RRM2: variants seen among roughly 807,000 people sequenced by gnomAD.
RRM2 encodes the protein ribonucleotide reductase regulatory subunit M2.
In RRM2, 6 loss-of-function variants were observed where a neutral mutation model predicts 45.9. The ratio of observed to expected loss-of-function variants is 0.13; its 90% CI spans 0.07 to 0.26. The LOEUF (loss-of-function observed/expected upper bound fraction) is 0.26. Ranked by LOEUF, RRM2 falls within the 10% of genes least tolerant of loss-of-function variation. The pLI is 1.00. For synonymous variants in RRM2, 177 were observed against 173.0 expected (o/e 1.02, Z -0.18); for missense variants, 343 against 489.5 (o/e 0.70, Z 2.82).
chr2:10,178,984 C>T lies in RRM2; in HGVS notation n.483-31327C>T, dbSNP rs142218823. 4.1e-4 allele frequency among the ~76,000 whole-genome samples: 62 copies of T among 152,274 alleles called. No homozygotes were observed. The Middle Eastern group carries it at 0.017, about 42-fold the overall frequency. On this transcript the variant is annotated intron_variant and non_coding_transcript_variant, in intron 3 of 3. Transcript: ENST00000381786. ...CCTTGATCTTGGACTTCCCAGCCTC[C>T]AGAGCTGTGAGCAATAAGTTTCTGC...
chr2:10,126,126 T>A (rs1161480704), intron 5 of RRM2, among the ~76,000 whole-genome samples: 1 of 137,588 alleles, frequency 7.3e-6, no homozygotes, highest in Non-Finnish European at 1.5e-5. Flanking sequence ...CTCGCTGCAC[T>A]CTAGCCTGGG....
chr2:10,206,973 G>C (rs759450638), intron 3 of RRM2, among the ~76,000 whole-genome samples: 6 of 152,180 alleles, frequency 3.9e-5, no homozygotes, highest in Non-Finnish European at 7.3e-5. Context: ...TCTCACTAAA[G>C]GGCCTCCACA....
exon 4 of RRM2, chr2:10,210,609 G>A (rs764889477): frequency 7.3e-6 from 10 of 1,361,632 alleles, no homozygotes; most frequent in Middle Eastern, 5.5e-4. Context: ...CAGCAGATCT[G>A]CTGCTTTCAA....
chr2:10,167,532 C>T, intron 3 of RRM2, among the ~76,000 whole-genome samples: 1 of 152,276 alleles, frequency 6.6e-6, no homozygotes, highest in Admixed American at 6.5e-5. Flanking sequence ...TTGCTTCTTT[C>T]TCTCCTCTCA....
intron 3 of RRM2, among the ~76,000 whole-genome samples, chr2:10,159,620 T>C (rs1428440249): frequency 6.6e-6 from 1 of 152,228 alleles, no homozygotes. Context: ...CCAGGATGAC[T>C]GAGGTTTAGG....
intron 3 of RRM2, among the ~76,000 whole-genome samples, chr2:10,200,885 A>G (rs1440025442): frequency 2.0e-5 from 3 of 152,188 alleles, no homozygotes; most frequent in Non-Finnish European, 4.4e-5. Flanking sequence ...CATGGCTCAC[A>G]CCTGTAATCC....
intron 3 of RRM2, among the ~76,000 whole-genome samples, chr2:10,152,455 A>G (rs905536108): frequency 2.1e-5 from 3 of 144,200 alleles, no homozygotes; most frequent in Admixed American, 1.4e-4. Context: ...TTTCTTTTAT[A>G]GTTTATGTTT....
Position 10,123,388 on chromosome 2 carries a change from A to G in RRM2, c.176A>G (p.Lys59Arg). 6.2e-7 allele frequency: 1 copy of G among 1,601,810 alleles called. No homozygotes were observed. Among genetic ancestry groups the G allele is most frequent in the Non-Finnish European group, 8.5e-7 (1 of 1,176,812 alleles). ...RRIFQEPTEPKTKAAAPGVED... is the reference protein window; with the variant it reads ...RRIFQEPTEPRTKAAAPGVED... The stretch of plus-strand genomic sequence containing the variant: ...ATGTTTTATTTTCTCCCCCAACAGA[A>G]AACTAAAGCAGCTGCCCCCGGCGTG... Residue 59 changes from lysine (K) to arginine (R), a missense_variant and splice_region_variant, in exon 3 of 10, where the codon AAA (lysine) becomes AGA (arginine). Lys to Arg is a conservative substitution (Grantham distance 26, BLOSUM62 2). Coordinates refer to ENST00000304567, the MANE Select transcript of RRM2 (RefSeq NM_001034.4).
At chr2:10,202,064 A>G (rs1448300856) in intron 3 of RRM2, among the ~76,000 whole-genome samples, 1 of 152,250 alleles carries the variant, frequency 6.6e-6, no homozygotes, top group Non-Finnish European at 1.5e-5. Context: ...CTCTAAGAGA[A>G]ACCCACTGTG....
Position 10,170,392 on chromosome 2 carries a change from G to A in RRM2, n.482+28017G>A, listed in dbSNP as rs1045564855. Among the ~76,000 whole-genome samples, 22 of 152,276 alleles carry A rather than the reference G, an allele frequency of 1.4e-4. 1 individual carries two copies. Among genetic ancestry groups the A allele is most frequent in the African/African-American group, 4.8e-4 (20 of 41,556 alleles). On this transcript the variant is annotated intron_variant and non_coding_transcript_variant, in intron 3 of 3. Coordinates refer to the RRM2 transcript ENST00000381786. ...CAGGTCACTTTGATCTTGCCCCGTG[G>A]TGAAATCAGACGGTCCCTGGCTCGT...
chr2:10,129,666 A>G lies in RRM2; in HGVS notation c.*280A>G, dbSNP rs1224170599. ...GGTGACCCTTTAGTGAGCTTAGCAC[A>G]GCGGGATTAAACAGTCCTTTAACCA... is the stretch of plus-strand genomic sequence containing the variant. On this transcript the variant is annotated 3_prime_UTR_variant, in exon 10 of 10. Transcript: ENST00000304567. The surrounding 1 kb of genome is among the most constrained non-coding windows in gnomAD (Gnocchi z 4.8). The G allele has an allele frequency of 7.5e-6, 3 of 399,446 alleles. No homozygotes were observed. In the East Asian group the frequency reaches 1.3e-4, roughly 17 times the overall value. The allele number at this position is 399,446 out of a possible 1,614,324, so 24.7% of individuals were successfully genotyped here.
intron 3 of RRM2, among the ~76,000 whole-genome samples, chr2:10,196,224 G>T (rs1664410960): frequency 6.6e-6 from 1 of 152,212 alleles, no homozygotes; most frequent in African/African-American, 2.4e-5. Context: ...GAAGACAGAA[G>T]GCGCGGGGAG....
At chr2:10,164,014 G>A (rs1254629100) in intron 3 of RRM2, among the ~76,000 whole-genome samples, 4 of 151,936 alleles carry the variant, frequency 2.6e-5, no homozygotes, top group African/African-American at 9.7e-5. Flanking sequence ...GTGTGCGTGT[G>A]TGTGTGTGTG....
intron 3 of RRM2, among the ~76,000 whole-genome samples, chr2:10,202,894 A>T (rs1264639732): frequency 6.6e-6 from 1 of 151,746 alleles, no homozygotes; most frequent in Non-Finnish European, 1.5e-5. Flanking sequence ...CACTGTTCCC[A>T]GCCGTTGGCC....
chr2:10,131,059 C>T lies in RRM2; in HGVS notation c.*1673C>T, dbSNP rs1045671115. 6.6e-6 allele frequency: 1 copy of T among 152,122 alleles called. No homozygotes were observed. The highest frequency in any genetic ancestry group is 1.5e-5 in the Non-Finnish European group (1 of 68,022). The allele number at this position is 152,122 out of a possible 1,614,324, so 9.4% of individuals were successfully genotyped here. On this transcript the variant is annotated 3_prime_UTR_variant, in exon 10 of 10. Transcript: ENST00000304567. Reference sequence around the variant, plus strand: ...TTAATTGTATTCAGTATTTGAACGTCGTCCTGTTTATTGTTAGTTTTCTTC... The same window carrying T: ...TTAATTGTATTCAGTATTTGAACGTTGTCCTGTTTATTGTTAGTTTTCTTC...
chr2:10,162,268 C>T (rs560878358), intron 3 of RRM2, among the ~76,000 whole-genome samples: 1 of 152,260 alleles, frequency 6.6e-6, no homozygotes, highest in African/African-American at 2.4e-5. Flanking sequence ...GTGGAGCCGC[C>T]CGTCGTTCAT....
intron 3 of RRM2, among the ~76,000 whole-genome samples, chr2:10,180,858 C>T (rs1237314617): frequency 3.9e-5 from 6 of 152,122 alleles, no homozygotes; most frequent in Non-Finnish European, 8.8e-5. Flanking sequence ...CCTCTGCCTC[C>T]CAGGTTCAAG....
At chr2:10,143,605 TTGAGATCA>T (rs567960508) in intron 3 of RRM2, among the ~76,000 whole-genome samples, 170 of 152,216 alleles carry the variant, frequency 1.1e-3, no homozygotes, top group African/African-American at 4.0e-3. Flanking sequence ...GGGGGCCTGG[TTGAGATCA>T]TGACTGGAGT....
At position 10,172,969 on chromosome 2, in the gene RRM2, C is replaced by T. The variant is rs768061799; in HGVS notation, n.482+30594C>T. On this transcript the variant is annotated intron_variant and non_coding_transcript_variant, in intron 3 of 3. Coordinates refer to the RRM2 transcript ENST00000381786. The surrounding 1 kb of genome is among the most constrained non-coding windows in gnomAD (Gnocchi z 4.9). The stretch of plus-strand genomic sequence containing the variant: ...TGAATGGAAAATCCAGTTTCCTTCG[C>T]CGTCTTCCTTGTCTGTCCTCTCCTG... Among the ~76,000 whole-genome samples, 1 of 152,184 alleles carries T rather than the reference C, an allele frequency of 6.6e-6. No homozygotes were observed. Among genetic ancestry groups the T allele is most frequent in the Non-Finnish European group, 1.5e-5 (1 of 68,040 alleles).
Sources: gnomAD v4.1 joint callset for allele counts (sites outside exome capture counted in the v4.1 genomes callset) on GRCh38, gnomAD v4.1.1 for gene constraint, Gnocchi (gnomAD v3.1) non-coding constraint, MANE v1.5 for transcripts, NCBI Gene and HGNC (gene_info 2026-07-23, HGNC 2026-07-21) for gene names.